Variants in SPTBN4 observed in about 807,000 individuals in gnomAD.
SPTBN4 encodes the protein spectrin beta chain, non-erythrocytic 4.
SPTBN4 carries 96 observed loss-of-function variants against 277.8 expected under a neutral mutation model. The ratio of observed to expected loss-of-function variants is 0.35; its 90% CI spans 0.29 to 0.41. The LOEUF (loss-of-function observed/expected upper bound fraction) is 0.41. SPTBN4 is among the 10% of genes least tolerant of loss of function. The probability of loss-of-function intolerance (pLI) is 1.00; values close to 1 mark genes in which losing one functional copy is unlikely to be tolerated. For synonymous variants in SPTBN4, 1,481 were observed against 1,580.3 expected (o/e 0.94, Z 1.49); for missense variants, 3,006 against 3,595.7 (o/e 0.84, Z 4.19).
chr19:40,471,245 C>T (rs963945758), intron 1 of SPTBN4, among the ~76,000 whole-genome samples: 2 of 152,140 alleles, frequency 1.3e-5, no homozygotes, highest in Admixed American at 6.6e-5. Flanking sequence ...CCGCGCCTGG[C>T]CCTATCATCT....
intron 7 of SPTBN4, among the ~76,000 whole-genome samples, chr19:40,501,319 CAGTG>C (rs1004611647): frequency 4.0e-5 from 6 of 151,838 alleles, no homozygotes; most frequent in Admixed American, 3.9e-4. Context: ...GTGCTCCAGA[CAGTG>C]AGAACAGCAC....
chr19:40,467,981 A>T, intron 1 of SPTBN4, among the ~76,000 whole-genome samples: 1 of 152,216 alleles, frequency 6.6e-6, no homozygotes, highest in East Asian at 1.9e-4. Flanking sequence ...AATAGCAAGG[A>T]ACATGTATCA....
At chr19:40,558,567 T>C (rs2081008323) in intron 26 of SPTBN4, among the ~76,000 whole-genome samples, 1 of 152,000 alleles carries the variant, frequency 6.6e-6, no homozygotes, top group Admixed American at 6.6e-5. Flanking sequence ...GAAATTGGGT[T>C]GCAGTTCTAA....
Position 40,565,476 on chromosome 19 carries a change from A to T in SPTBN4, c.5969A>T (p.Glu1990Val). 1 of 1,614,048 alleles carries T rather than the reference A, an allele frequency of 6.2e-7. No homozygotes were observed. Among genetic ancestry groups the T allele is most frequent in the South Asian group, 1.1e-5 (1 of 91,084 alleles). Residue 1990 changes from glutamate to valine, a missense_variant, in exon 28 of 36, where the codon GAG becomes GTG. Glu to Val is a moderately radical substitution (Grantham distance 121). Coordinates refer to ENST00000598249, the MANE Select transcript of SPTBN4 (RefSeq NM_020971.3). ...AACTACCACCAGGGCCTGAAGACTG[A>T]GCTGGAGGCGCGGGTGCCTGAGCTG... is the stretch of plus-strand genomic sequence containing the variant. ...LMNYHQGLKT[E>V]LEARVPELTT...
At chr19:40,487,940 G>A in intron 3 of SPTBN4, 92 bp downstream of exon 3, 1 of 1,403,372 alleles carries the variant, frequency 7.1e-7, no homozygotes, top group South Asian at 1.5e-5. Context: ...TGCAAGCAGG[G>A]GCCTGGCTCA....
Position 40,554,432 on chromosome 19 carries a change from C to A in SPTBN4, c.4953+7C>A. The A allele has an allele frequency of 6.5e-7, 1 of 1,547,200 alleles. No individual in the cohort carries two copies. On this transcript the variant is annotated splice_region_variant and intron_variant, in intron 23 of 35. Coordinates refer to ENST00000598249, the MANE Select transcript of SPTBN4 (RefSeq NM_020971.3). This position sits in a 1 kb window ranked among gnomAD's most constrained non-coding sequence, Gnocchi z 5.7. The stretch of plus-strand genomic sequence containing the variant: ...GAGTGAGGACAAGGGCAAGGTGCGC[C>A]CGAGCTGGGGGTGCGGAGGGCCTGG...
chr19:40,521,878 G>A (rs925015209), intron 16 of SPTBN4, among the ~76,000 whole-genome samples: 2 of 152,088 alleles, frequency 1.3e-5, no homozygotes, highest in Admixed American at 1.3e-4. Flanking sequence ...CCAGCTCCTG[G>A]GCTCAAACAG....
rs2081028521 is a variant in SPTBN4, at chr19:40,560,260, G to C, written c.5772G>C (p.Trp1924Cys). 3 of 1,613,722 alleles carry C rather than the reference G, an allele frequency of 1.9e-6. No individual in the cohort carries two copies. In the East Asian group the frequency reaches 6.7e-5, roughly 36 times the overall value. ...ASREQEVLQG[W>C]KELLSACEDA... ...GGGAGCAGGAGGTGCTGCAGGGTTG[G>C]AAAGAGCTGCTGTCAGCCTGTGAGG... The change falls in exon 27 of 36, where the codon TGG (tryptophan) becomes TGC (cysteine). Residue 1924 changes from tryptophan to cysteine, a missense_variant. Around this residue, in one of 5 missense-constraint regions of SPTBN4, gnomAD observed 425 missense variants for 594.7 expected, o/e 0.71. Coordinates refer to ENST00000598249, the MANE Select transcript of SPTBN4 (RefSeq NM_020971.3). The surrounding 1 kb of genome is among the most constrained non-coding windows in gnomAD (Gnocchi z 5.2).
At chr19:40,467,361 G>C (rs927635119) in intron 1 of SPTBN4, 56 bp downstream of exon 1, 1 of 152,168 alleles carries the variant, frequency 6.6e-6, no homozygotes, top group Non-Finnish European at 1.5e-5. Context: ...CACCTGGCGA[G>C]CATCCCTCCT....
At chr19:40,558,901 C>A (rs1409818395) in intron 26 of SPTBN4, among the ~76,000 whole-genome samples, 1 of 135,224 alleles carries the variant, frequency 7.4e-6, no homozygotes, top group Non-Finnish European at 1.6e-5. Context: ...AGCTACTATG[C>A]CCAGCTGGCA....
Position 40,550,291 on chromosome 19 carries a change from T to C in SPTBN4, c.4638T>C (p.Gly1546=). The change falls in exon 22 of 36, where the codon GGT becomes GGC. Residue 1546 remains glycine, a synonymous_variant. Coordinates refer to ENST00000598249, the MANE Select transcript of SPTBN4 (RefSeq NM_020971.3). ...CCATGCAGACAGAGCGAGGCAACGG[T>C]TTGCAGGCGGTCCAGCAGCACATCA... The part of the protein sequence containing the change: ...PLAMQTERGN[G]LQAVQQHIKK... The C allele has an allele frequency of 6.2e-7, 1 of 1,612,128 alleles. No homozygotes were observed. The highest frequency in any genetic ancestry group is 8.5e-7 in the Non-Finnish European group (1 of 1,179,992).
chr19:40,550,749 C>A (rs1211418632), intron 22 of SPTBN4, among the ~76,000 whole-genome samples: 4 of 152,034 alleles, frequency 2.6e-5, no homozygotes, highest in Non-Finnish European at 5.9e-5. Context: ...GAACTCCTGG[C>A]CTCAAGTGAT....
chr19:40,559,025 G>A (rs894710114), intron 26 of SPTBN4, among the ~76,000 whole-genome samples: 4 of 151,026 alleles, frequency 2.6e-5, no homozygotes, highest in African/African-American at 4.9e-5. Flanking sequence ...TCTGCTTCCC[G>A]GGTTCAAGCA....
At chr19:40,492,180 A>G (rs2080146104) in intron 4 of SPTBN4, among the ~76,000 whole-genome samples, 1 of 152,098 alleles carries the variant, frequency 6.6e-6, no homozygotes, top group African/African-American at 2.4e-5. Context: ...GAAGACACTC[A>G]GGGAGTGGAG....
chr19:40,467,194 AGC>A lies in SPTBN4; in HGVS notation c.-126_-125del, dbSNP rs2079833419. The A allele has an allele frequency of 6.8e-6, 1 of 148,134 alleles. No individual in the cohort carries two copies. Among genetic ancestry groups the A allele is most frequent in the Non-Finnish European group, 1.5e-5 (1 of 66,526 alleles). 9.2% of individuals were successfully genotyped at this position (148,134 alleles called of 1,614,324 possible). On this transcript the variant is annotated 5_prime_UTR_variant, in exon 1 of 36. In the 5' UTR this introduces an upstream ATG that the reference lacks. Coordinates refer to ENST00000598249, the MANE Select transcript of SPTBN4 (RefSeq NM_020971.3). ...GCTGAGCCGCGGGCCGGCGGGGCCGAGCTGAGCCGGGCTGGGCCGGGCCGGGC... is the reference window on the plus strand; with the variant it reads ...GCTGAGCCGCGGGCCGGCGGGGCCGATGAGCCGGGCTGGGCCGGGCCGGGC...
chr19:40,520,473 T>C (rs1219551715), intron 16 of SPTBN4, among the ~76,000 whole-genome samples: 1 of 152,172 alleles, frequency 6.6e-6, no homozygotes, highest in Non-Finnish European at 1.5e-5. Context: ...GGTTCGTGGA[T>C]TATCTGAAAG....
At chr19:40,536,086 T>C (rs1020991998) in intron 20 of SPTBN4, among the ~76,000 whole-genome samples, 1 of 152,102 alleles carries the variant, frequency 6.6e-6, no homozygotes, top group African/African-American at 2.4e-5. Context: ...CCCATTCTGG[T>C]TGGGGGAACA....
intron 17 of SPTBN4, 38 bp from the exon 18 acceptor site, chr19:40,529,003 C>T: frequency 6.4e-7 from 1 of 1,573,016 alleles, no homozygotes; most frequent in Non-Finnish European, 8.7e-7. Context: ...ACCCCCCAAC[C>T]CGGGGCCTTT....
In SPTBN4 at chr19:40,467,081, G is replaced by T. The variant is rs1247481297; in HGVS notation, c.-240G>T. 2.7e-5 allele frequency: 4 copies of T among 150,436 alleles called. No homozygotes were observed. The highest frequency in any genetic ancestry group is 9.7e-5 in the African/African-American group (4 of 41,144). 9.3% of individuals were successfully genotyped at this position (150,436 alleles called of 1,614,324 possible). ...GCGTGGGCCTCGGGCGGCGGGGCGCGGGGACCGCGGGCGGGAGGGGGTCCC... is the reference window on the plus strand; with the variant it reads ...GCGTGGGCCTCGGGCGGCGGGGCGCTGGGACCGCGGGCGGGAGGGGGTCCC... On this transcript the variant is annotated 5_prime_UTR_variant, in exon 1 of 36. Coordinates refer to ENST00000598249, the MANE Select transcript of SPTBN4 (RefSeq NM_020971.3).
Sources: allele counts gnomAD v4.1 joint callset (sites outside exome capture counted in the v4.1 genomes callset), GRCh38; gene constraint gnomAD v4.1.1; regional missense constraint gnomAD v4.1.1; non-coding constraint Gnocchi (gnomAD v3.1); transcripts MANE v1.5; gene names NCBI Gene and HGNC (gene_info 2026-07-23, HGNC 2026-07-21).